PPP2R5C: variants seen among roughly 807,000 people sequenced by gnomAD.
PPP2R5C encodes the protein protein phosphatase 2 regulatory subunit B'gamma, also known as serine/threonine-protein phosphatase 2A 56 kDa regulatory subunit gamma isoform.
In PPP2R5C, 7 loss-of-function variants were observed where a neutral mutation model predicts 68.9. The observed-to-expected ratio is 0.10, with a 90% CI of 0.06 to 0.19. PPP2R5C has a LOEUF of 0.19. Ranked by LOEUF, PPP2R5C falls within the 10% of genes least tolerant of loss-of-function variation. The pLI, the probability that PPP2R5C is intolerant of heterozygous loss-of-function variation, is 1.00. For synonymous variants in PPP2R5C, 210 were observed against 222.2 expected, an observed-to-expected ratio of 0.95 and a Z score of 0.49; for missense variants, 348 against 641.3, an observed-to-expected ratio of 0.54 and a Z score of 4.94.
At chr14:101,811,535 G>A (rs111616323) in intron 1 of PPP2R5C, among the ~76,000 whole-genome samples, 2,104 of 152,056 alleles carry the variant, frequency 0.014, 43 homozygotes, top group African/African-American at 0.048. Context: ...TAGAGATGGG[G>A]TTTTGCCATG....
At position 101,916,418 on chromosome 14, in the gene PPP2R5C, G is replaced by A. The variant is rs1272936903; in HGVS notation, c.1327-1413G>A. Among the ~76,000 whole-genome samples, 1 of 152,144 alleles carries A rather than the reference G, an allele frequency of 6.6e-6. No individual in the cohort carries two copies. The highest frequency in any genetic ancestry group is 1.5e-5 in the Non-Finnish European group (1 of 68,018). On this transcript the variant is annotated intron_variant, in intron 12 of 13. Coordinates refer to ENST00000334743, the Ensembl canonical transcript of PPP2R5C. This position sits in a 1 kb window ranked among gnomAD's most constrained non-coding sequence, Gnocchi z 5.5. ...CAGGGTGAATAAGGAGGGACAGAGG[G>A]TGTGGGAAAAGGCCGAAGACAGCCC...
chr14:101,886,571 G>A (rs547009027), intron 5 of PPP2R5C, among the ~76,000 whole-genome samples: 4 of 151,912 alleles, frequency 2.6e-5, no homozygotes, highest in East Asian at 1.9e-4. Context: ...GTCCTGATAC[G>A]CGCAGTCAAA....
intron 2 of PPP2R5C, among the ~76,000 whole-genome samples, chr14:101,770,050 T>C (rs1348701277): frequency 6.6e-6 from 1 of 152,158 alleles, no homozygotes; most frequent in African/African-American, 2.4e-5. Flanking sequence ...GGCAAGAATT[T>C]GTATATCTAA....
chr14:101,890,707 AATAAT>A lies in PPP2R5C; in HGVS notation c.689+412_689+416del, dbSNP rs201001174. Among the ~76,000 whole-genome samples, 83 of 151,724 alleles carry A rather than the reference AATAAT, an allele frequency of 5.5e-4. No homozygotes were observed. In the East Asian group the frequency reaches 0.014, roughly 25 times the overall value. Reference sequence around the variant, plus strand: ...CAGTTTTTTATATGTATATTTATAAAATAATTAACATTTCAAAACTTTCATCATCT... The same window carrying A: ...CAGTTTTTTATATGTATATTTATAAATAACATTTCAAAACTTTCATCATCT... On this transcript the variant is annotated intron_variant, in intron 6 of 13. Transcript: ENST00000334743.
chr14:101,776,016 G>T (rs1178945042), intron 2 of PPP2R5C, among the ~76,000 whole-genome samples: 1 of 151,550 alleles, frequency 6.6e-6, no homozygotes, highest in Non-Finnish European at 1.5e-5. Flanking sequence ...TAGCATTTCA[G>T]ATTGTGCCCC....
At chr14:101,769,256 G>A (rs1000477482) in intron 2 of PPP2R5C, among the ~76,000 whole-genome samples, 82 of 152,190 alleles carry the variant, frequency 5.4e-4, no homozygotes, top group African/African-American at 1.9e-3. Flanking sequence ...CCAGCGGCTG[G>A]CTGTATGCAG....
At chr14:101,776,022 GC>G (rs34109579) in intron 2 of PPP2R5C, among the ~76,000 whole-genome samples, 376 of 142,194 alleles carry the variant, frequency 2.6e-3, no homozygotes, top group African/African-American at 6.8e-3. Flanking sequence ...TTCAGATTGT[GC>G]CCCCCCCCCA....
intron 1 of PPP2R5C, among the ~76,000 whole-genome samples, chr14:101,842,318 G>A (rs551518648): frequency 2.4e-4 from 36 of 152,270 alleles, no homozygotes; most frequent in Non-Finnish European, 3.8e-4. Context: ...CAAGGTTTCC[G>A]GGTGCAGCCT....
In PPP2R5C at chr14:101,835,159, G is replaced by C. The variant is rs2041004984; in HGVS notation, c.95-21527G>C. 6.6e-6 allele frequency among the ~76,000 whole-genome samples: 1 copy of C among 152,236 alleles called. No homozygotes were observed. Among genetic ancestry groups the C allele is most frequent in the South Asian group, 2.1e-4 (1 of 4,832 alleles). Reference sequence around the variant, plus strand: ...CCAGAATTGGTAGGCTGGACACTGGGCTGCTCCTCATGGCGGTGGGAGCAT... The same window carrying C: ...CCAGAATTGGTAGGCTGGACACTGGCCTGCTCCTCATGGCGGTGGGAGCAT... On this transcript the variant is annotated intron_variant, in intron 1 of 13. Transcript: ENST00000334743. This position sits in a 1 kb window ranked among gnomAD's most constrained non-coding sequence, Gnocchi z 5.0.
Position 101,917,728 on chromosome 14 carries a change from G to A in PPP2R5C, c.1327-103G>A, listed in dbSNP as rs2046760632. ...ACTGAGTGGGCTTCCTGCGGGAGAG[G>A]GCCCTGGGGGGCGGCAGGGGAGATG... is the stretch of plus-strand genomic sequence containing the variant. On this transcript the variant is annotated intron_variant, in intron 12 of 13. Transcript: ENST00000334743. The surrounding 1 kb of genome is among the most constrained non-coding windows in gnomAD (Gnocchi z 4.4). The A allele has an allele frequency of 2.2e-5, 34 of 1,516,034 alleles. No individual in the cohort carries two copies. The South Asian group carries it at 4.1e-4, about 19-fold the overall frequency. 93.9% of individuals were successfully genotyped at this position (1,516,034 alleles called of 1,614,324 possible).
intron 2 of PPP2R5C, among the ~76,000 whole-genome samples, chr14:101,858,838 G>A (rs12879760): frequency 0.061 from 9,279 of 152,208 alleles, 378 homozygotes; most frequent in Middle Eastern, 0.14. Context: ...TCAAATGCCC[G>A]CCCTTGAACC....
intron 1 of PPP2R5C, among the ~76,000 whole-genome samples, chr14:101,829,862 C>T (rs1033342627): frequency 3.9e-5 from 6 of 152,060 alleles, no homozygotes; most frequent in African/African-American, 1.4e-4. Flanking sequence ...GTTGTTGTGT[C>T]GCTGTCGTAT....
chr14:101,890,358 T>A, intron 6 of PPP2R5C, 62 bp downstream of exon 8: 1 of 1,484,396 alleles, frequency 6.7e-7, no homozygotes, highest in Non-Finnish European at 9.3e-7. Flanking sequence ...GTGATCCATT[T>A]CATTGAGTCC....
intron 5 of PPP2R5C, 84 bp downstream of exon 7, chr14:101,883,646 C>G: frequency 6.7e-7 from 1 of 1,502,088 alleles, no homozygotes; most frequent in Non-Finnish European, 9.1e-7. Context: ...ATCGTCTCCT[C>G]TGACAGGACT....
chr14:101,816,471 A>G (rs2039675214), intron 1 of PPP2R5C, among the ~76,000 whole-genome samples: 1 of 152,198 alleles, frequency 6.6e-6, no homozygotes, highest in African/African-American at 2.4e-5. Flanking sequence ...AAGAGATATA[A>G]CAGGTACCGT....
chr14:101,913,821 C>T lies in PPP2R5C; in HGVS notation c.1326+1348C>T, dbSNP rs569685819. ...TGATAGCCCTCAGGATTGTCAAGGA[C>T]CCCAGTACACATGCAGTTGAAATCA... On this transcript the variant is annotated intron_variant, in intron 12 of 13. Coordinates refer to ENST00000334743, the Ensembl canonical transcript of PPP2R5C. This position sits in a 1 kb window ranked among gnomAD's most constrained non-coding sequence, Gnocchi z 4.1. Among the ~76,000 whole-genome samples the T allele has an allele frequency of 6.6e-6, 1 of 152,164 alleles. No individual in the cohort carries two copies. Among genetic ancestry groups the T allele is most frequent in the Non-Finnish European group, 1.5e-5 (1 of 68,016 alleles).
At chr14:101,912,379 A>T in intron 11 of PPP2R5C, 22 bp from the exon 14 acceptor site, 2 of 1,580,914 alleles carry the variant, frequency 1.3e-6, no homozygotes, top group Non-Finnish European at 1.7e-6. Flanking sequence ...TCTAACACAG[A>T]TGACATTTTA....
intron 1 of PPP2R5C, among the ~76,000 whole-genome samples, chr14:101,838,630 G>A (rs2041266817): frequency 6.6e-6 from 1 of 152,228 alleles, no homozygotes; most frequent in African/African-American, 2.4e-5. Flanking sequence ...GCAAAGCACT[G>A]TGCCTCCCAG....
At chr14:101,862,874 C>T (rs1260430233) in intron 2 of PPP2R5C, among the ~76,000 whole-genome samples, 2 of 141,352 alleles carry the variant, frequency 1.4e-5, no homozygotes, top group African/African-American at 2.7e-5. Flanking sequence ...GACTAGAGTG[C>T]GGTGGCATGG....
Sources: allele counts gnomAD v4.1 joint callset (sites outside exome capture counted in the v4.1 genomes callset), GRCh38; gene constraint gnomAD v4.1.1; non-coding constraint Gnocchi (gnomAD v3.1); transcripts MANE v1.5; gene names NCBI Gene and HGNC (gene_info 2026-07-23, HGNC 2026-07-21).